Variants in COL6A5 observed in about 807,000 individuals in gnomAD.
The protein encoded by COL6A5 is collagen alpha-5(VI) chain.
Under a neutral mutation model 65.6 loss-of-function variants are expected in COL6A5, and 48 were observed. The observed-to-expected ratio is 0.73, with a 90% CI of 0.58 to 0.93. The LOEUF is 0.93. COL6A5 is among the 40% of genes least tolerant of loss of function. The pLI is 0.00. For synonymous variants in COL6A5, 291 were observed against 322.8 expected, an observed-to-expected ratio of 0.90 and a Z score of 1.05; for missense variants, 914 against 928.3, an observed-to-expected ratio of 0.98 and a Z score of 0.20.
chr3:130,458,206 A>G (rs904958943), intron 5 of COL6A5, among the ~76,000 whole-genome samples: 3 of 151,996 alleles, frequency 2.0e-5, no homozygotes, highest in African/African-American at 7.2e-5. Flanking sequence ...CCCTCCTTTT[A>G]CTTAAAGCAG....
chr3:130,440,470 C>T, exon 3 of COL6A5: 1 of 1,613,766 alleles, frequency 6.2e-7, no homozygotes, highest in Non-Finnish European at 8.5e-7. Context: ...TGAAGAATCA[C>T]ATCCAGACTT....
chr3:130,382,806 C>A (rs557042293), intron 4 of COL6A5, among the ~76,000 whole-genome samples: 1 of 152,224 alleles, frequency 6.6e-6, no homozygotes, highest in South Asian at 2.1e-4. Context: ...GCAAAATTCA[C>A]ATTAACCAAA....
intron 10 of COL6A5, among the ~76,000 whole-genome samples, chr3:130,400,376 T>C (rs912941629): frequency 6.6e-6 from 1 of 152,242 alleles, no homozygotes; most frequent in Admixed American, 6.5e-5. Flanking sequence ...GACTTATTCA[T>C]TTGTATCTCT....
chr3:130,437,726 C>T (rs564470264), intron 1 of COL6A5, among the ~76,000 whole-genome samples: 28 of 152,198 alleles, frequency 1.8e-4, no homozygotes, highest in African/African-American at 6.5e-4. Flanking sequence ...GCATTCCCCT[C>T]GCTTCCCCAG....
At chr3:130,379,680 G>A (rs771403296) in exon 4 of COL6A5, 8 of 1,551,282 alleles carry the variant, frequency 5.2e-6, no homozygotes, top group African/African-American at 4.1e-5. Context: ...TCCAAGTTGG[G>A]AAATCCAATA....
chr3:130,426,153 A>G, intron 29 of COL6A5, 61 bp from the exon 30 acceptor site: 1 of 1,475,050 alleles, frequency 6.8e-7, no homozygotes, highest in Non-Finnish European at 9.2e-7. Flanking sequence ...TTGTTTTATT[A>G]CTAAAGACTA....
intron 1 of COL6A5, among the ~76,000 whole-genome samples, chr3:130,371,122 A>C (rs982945252): frequency 4.6e-5 from 7 of 152,214 alleles, no homozygotes; most frequent in Non-Finnish European, 7.3e-5. Flanking sequence ...TTGAATTCTT[A>C]TGATCTCCTA....
At chr3:130,470,801 G>A (rs1000826553) in intron 6 of COL6A5, 70 bp from the exon 39 acceptor site, 2 of 1,140,876 alleles carry the variant, frequency 1.8e-6, no homozygotes, top group African/African-American at 3.1e-5. Flanking sequence ...GTGAAAACAT[G>A]ATCTGACTTT....
chr3:130,398,060 A>G, exon 10 of COL6A5: 7 of 1,550,300 alleles, frequency 4.5e-6, no homozygotes, highest in Non-Finnish European at 3.5e-6. Context: ...CGGTCTCCAG[A>G]GTGAAAGCAA....
At chr3:130,403,650 G>A in exon 13 of COL6A5, 1 of 1,550,866 alleles carries the variant, frequency 6.4e-7, no homozygotes, top group Non-Finnish European at 8.7e-7. Context: ...ACAGGGGAGA[G>A]GATGGAAACC....
intron 1 of COL6A5, among the ~76,000 whole-genome samples, chr3:130,364,821 G>GT (rs1258469060): frequency 1.3e-5 from 2 of 152,166 alleles, no homozygotes; most frequent in Non-Finnish European, 2.9e-5. Flanking sequence ...AGCAGGTCTG[G>GT]TATCCAGGCA....
rs534163711 is a variant in COL6A5, at chr3:130,408,630, C to T, written c.4480-696C>T. Among the ~76,000 whole-genome samples the T allele has an allele frequency of 8.5e-5, 13 of 152,208 alleles. 1 individual carries two copies. The South Asian group carries it at 2.7e-3, about 32-fold the overall frequency. On this transcript the variant is annotated intron_variant and NMD_transcript_variant, in intron 17 of 41. Coordinates refer to the COL6A5 transcript ENST00000312481. ...ACCCACTCCCTATTCGTACACCACT[C>T]CCCTTTTGAAACCCCTAATAAAAAC... is the stretch of plus-strand genomic sequence containing the variant.
At chr3:130,475,125 C>T (rs966761865) in intron 7 of COL6A5, among the ~76,000 whole-genome samples, 4 of 149,962 alleles carry the variant, frequency 2.7e-5, no homozygotes, top group South Asian at 2.1e-4. Flanking sequence ...GCGAAAAAGG[C>T]GAACAGAACC....
At chr3:130,402,190 C>T (rs1936839470) in intron 12 of COL6A5, among the ~76,000 whole-genome samples, 2 of 152,132 alleles carry the variant, frequency 1.3e-5, no homozygotes, top group Non-Finnish European at 2.9e-5. Flanking sequence ...CCTGTAATCC[C>T]AGCTACTTGG....
At chr3:130,438,498 G>A (rs1264496540) in intron 1 of COL6A5, among the ~76,000 whole-genome samples, 1 of 152,066 alleles carries the variant, frequency 6.6e-6, no homozygotes, top group East Asian at 1.9e-4. Flanking sequence ...CTTTACATGT[G>A]GGACCAACAA....
intron 1 of COL6A5, among the ~76,000 whole-genome samples, chr3:130,368,570 G>A (rs1454488358): frequency 6.6e-6 from 1 of 151,216 alleles, no homozygotes; most frequent in African/African-American, 2.4e-5. Context: ...TGTGTTACTG[G>A]GTAAGGAGGA....
chr3:130,371,978 A>G (rs920420718), intron 1 of COL6A5, among the ~76,000 whole-genome samples: 30 of 152,278 alleles, frequency 2.0e-4, no homozygotes, highest in African/African-American at 7.0e-4. Context: ...AAGAATTTTT[A>G]TATTACAACA....
chr3:130,407,697 G>A (rs1054566062), intron 17 of COL6A5, among the ~76,000 whole-genome samples: 1 of 152,158 alleles, frequency 6.6e-6, no homozygotes, highest in Non-Finnish European at 1.5e-5. Context: ...ACTAGTCCTG[G>A]TTCTAGGACC....
At chr3:130,379,305 C>G in intron 3 of COL6A5, 113 bp from the exon 4 acceptor site, 1 of 963,394 alleles carries the variant, frequency 1.0e-6, no homozygotes, top group Admixed American at 2.9e-5. Flanking sequence ...ATGCTGTCTA[C>G]ATCCATCATG....
Sources: gnomAD v4.1 joint callset for allele counts (sites outside exome capture counted in the v4.1 genomes callset) on GRCh38, gnomAD v4.1.1 for gene constraint, MANE v1.5 for transcripts, NCBI Gene and HGNC (gene_info 2026-07-23, HGNC 2026-07-21) for gene names.